XKR9: variants seen among roughly 807,000 people sequenced by gnomAD.
The protein encoded by XKR9 is XK related 9, also known as XK-related protein 9.
XKR9 carries 32 observed loss-of-function variants against 32.0 expected under a neutral mutation model. The ratio of observed to expected loss-of-function variants is 1.00; its 90% CI spans 0.76 to 1.34. The LOEUF is 1.34. Ranked by LOEUF, XKR9 falls within the 40% of genes most tolerant of loss-of-function variation. The pLI, the probability that XKR9 is intolerant of heterozygous loss-of-function variation, is 0.00. For missense variants in XKR9, 546 were observed against 429.7 expected (o/e 1.27, Z -2.39); for synonymous variants, 168 against 143.4 (o/e 1.17, Z -1.22).
intron 4 of XKR9, among the ~76,000 whole-genome samples, chr8:70,732,471 A>T (rs1237137613): frequency 6.6e-6 from 1 of 152,174 alleles, no homozygotes. Flanking sequence ...TGGCCTCTGG[A>T]TCCATTGCCA....
downstream of XKR9, among the ~76,000 whole-genome samples, chr8:70,738,404 T>G (rs1389998617): frequency 6.7e-6 from 1 of 148,958 alleles, no homozygotes. Context: ...ATTTTGTTGA[T>G]CCTTTCAAAA....
chr8:70,975,650 T>C, the XKR9 span, among the ~76,000 whole-genome samples: 1 of 152,232 alleles, frequency 6.6e-6, no homozygotes, highest in Admixed American at 6.5e-5. Flanking sequence ...TGTAGCCTTG[T>C]AGTATAGTTT....
the XKR9 span, among the ~76,000 whole-genome samples, chr8:70,818,809 C>G: frequency 1.3e-5 from 2 of 152,222 alleles, no homozygotes; most frequent in African/African-American, 4.8e-5. Context: ...GGGTTACACA[C>G]TGGCCTATTT....
chr8:70,935,208 T>TACAC, the XKR9 span, among the ~76,000 whole-genome samples: 7,241 of 145,292 alleles, frequency 0.05, 222 homozygotes, highest in South Asian at 0.083. Flanking sequence ...TATACATATA[T>TACAC]ACACACACAC....
chr8:70,779,513 A>G (rs1292570762), intron 2 of XKR9, among the ~76,000 whole-genome samples: 1 of 152,100 alleles, frequency 6.6e-6, no homozygotes, highest in African/African-American at 2.4e-5. Context: ...TGTTTGGAAT[A>G]GTTTCGGAAG....
the XKR9 span, among the ~76,000 whole-genome samples, chr8:70,945,188 A>G: frequency 1.3e-5 from 2 of 152,260 alleles, no homozygotes; most frequent in Non-Finnish European, 2.9e-5. Context: ...TGTTCATTAC[A>G]GATCTCAGCA....
the XKR9 span, among the ~76,000 whole-genome samples, chr8:70,804,299 A>G: frequency 6.6e-6 from 1 of 152,222 alleles, no homozygotes; most frequent in Non-Finnish European, 1.5e-5. Flanking sequence ...ACGCCCTTCC[A>G]CTGAGTTCAC....
the XKR9 span, among the ~76,000 whole-genome samples, chr8:71,050,270 G>T: frequency 0.085 from 10,488 of 123,080 alleles, 512 homozygotes; most frequent in African/African-American, 0.13. Context: ...TAGATAGATA[G>T]ATAGATATAG....
downstream of XKR9, among the ~76,000 whole-genome samples, chr8:70,791,864 C>G (rs1807768207): frequency 6.6e-6 from 1 of 152,046 alleles, no homozygotes; most frequent in African/African-American, 2.4e-5. Context: ...TACTAAGTCT[C>G]AGTATTTTAA....
chr8:70,751,972 ATTGG>A (rs1807148915), intron 2 of XKR9, among the ~76,000 whole-genome samples: 1 of 152,122 alleles, frequency 6.6e-6, no homozygotes, highest in Non-Finnish European at 1.5e-5. Flanking sequence ...TTTATATCCT[ATTGG>A]TTCTGTTTCT....
the XKR9 span, among the ~76,000 whole-genome samples, chr8:70,962,153 A>G: frequency 6.6e-6 from 1 of 152,296 alleles, no homozygotes; most frequent in Admixed American, 6.5e-5. Flanking sequence ...TAACAAAGGT[A>G]GTTTACTGAT....
chr8:70,719,411 T>G (rs771182819), intron 4 of XKR9, among the ~76,000 whole-genome samples: 1 of 152,158 alleles, frequency 6.6e-6, no homozygotes. Context: ...TTGCCTAGGT[T>G]TTCTTCTAGG....
At chr8:70,964,435 T>C in the XKR9 span, among the ~76,000 whole-genome samples, 1 of 152,192 alleles carries the variant, frequency 6.6e-6, no homozygotes, top group African/African-American at 2.4e-5. Flanking sequence ...CTTAGGATTG[T>C]CTTGGCTATT....
chr8:71,018,046 A>G, the XKR9 span, among the ~76,000 whole-genome samples: 1 of 152,036 alleles, frequency 6.6e-6, no homozygotes, highest in Non-Finnish European at 1.5e-5. Context: ...TTTTCCTCTG[A>G]CTCTTATATT....
chr8:70,684,591 T>C (rs564004439), intron 3 of XKR9, among the ~76,000 whole-genome samples: 1 of 152,104 alleles, frequency 6.6e-6, no homozygotes, highest in South Asian at 2.1e-4. Flanking sequence ...TTAATTTTAA[T>C]TGATCTGACA....
intron 4 of XKR9, among the ~76,000 whole-genome samples, chr8:70,727,320 A>G (rs1048085293): frequency 7.1e-6 from 1 of 140,018 alleles, no homozygotes; most frequent in Non-Finnish European, 1.6e-5. Context: ...TGAATTAAAG[A>G]AGACAAGTTT....
intron 4 of XKR9, among the ~76,000 whole-genome samples, chr8:70,716,235 A>G (rs775804637): frequency 4.1e-4 from 62 of 152,158 alleles, no homozygotes; most frequent in Non-Finnish European, 8.4e-4. Flanking sequence ...GCAGTTGTCA[A>G]CTCCAGGAAT....
chr8:70,858,804 A>G, the XKR9 span, among the ~76,000 whole-genome samples: 1 of 152,146 alleles, frequency 6.6e-6, no homozygotes, highest in Non-Finnish European at 1.5e-5. Flanking sequence ...AGATAACTAC[A>G]TGCAGAGGAA....
chr8:70,785,733 CTCTCTCTATATA>C (rs1248328037), intron 2 of XKR9, among the ~76,000 whole-genome samples: 38 of 112,158 alleles, frequency 3.4e-4, no homozygotes, highest in Non-Finnish European at 6.4e-4. Context: ...CTCTCTCTCT[CTCTCTCTATATA>C]TATATATATA....
Sources: allele counts gnomAD v4.1 joint callset (sites outside exome capture counted in the v4.1 genomes callset), GRCh38; gene constraint gnomAD v4.1.1; transcripts MANE v1.5; gene names NCBI Gene and HGNC (gene_info 2026-07-23, HGNC 2026-07-21).